Variants in SLC24A4 observed in about 807,000 individuals in gnomAD.
SLC24A4 encodes the protein solute carrier family 24 member 4, also known as sodium/potassium/calcium exchanger 4.
Under a neutral mutation model 79.0 loss-of-function variants are expected in SLC24A4, and 53 were observed. The ratio of observed to expected loss-of-function variants is 0.67; its 90% confidence interval spans 0.54 to 0.84. The LOEUF is 0.84. Among genes scored for constraint, SLC24A4 ranks in the 40% least tolerant of loss-of-function variants. The pLI, the probability that SLC24A4 is intolerant of heterozygous loss-of-function variation, is 0.00. For synonymous variants in SLC24A4, 323 were observed against 323.8 expected (o/e 1.00, Z 0.03); for missense variants, 731 against 822.0 (o/e 0.89, Z 1.35).
intron 2 of SLC24A4, among the ~76,000 whole-genome samples, chr14:92,402,666 A>G (rs1249041001): frequency 6.6e-6 from 1 of 151,806 alleles, no homozygotes; most frequent in South Asian, 2.1e-4. Flanking sequence ...GGCAGAAGAC[A>G]AGGAGGAGCA....
At chr14:92,445,710 A>G (rs1450163770) in intron 8 of SLC24A4, among the ~76,000 whole-genome samples, 1 of 152,266 alleles carries the variant, frequency 6.6e-6, no homozygotes, top group Non-Finnish European at 1.5e-5. Flanking sequence ...TTAGGAATAG[A>G]GTCTTGAATG....
chr14:92,340,575 T>C lies in SLC24A4; in HGVS notation c.241+14597T>C, dbSNP rs571022304. Among the ~76,000 whole-genome samples, 27 of 3,554 alleles carry C rather than the reference T, an allele frequency of 7.6e-3. No individual in the cohort carries two copies. In the East Asian group the frequency reaches 0.46, roughly 60 times the overall value. 2.3% of individuals were successfully genotyped at this position (3,554 alleles called of 152,430 possible). A position where few individuals can be genotyped will look rare whatever the true frequency, so the allele number is the denominator to read the frequency against. ...TGTGGTGGCTTCCGAGGCTGCATCATGCCAAACCTGCAGGGGGCTGGGCTT... is the reference window on the plus strand; with the variant it reads ...TGTGGTGGCTTCCGAGGCTGCATCACGCCAAACCTGCAGGGGGCTGGGCTT... On this transcript the variant is annotated intron_variant, in intron 2 of 16. Transcript: ENST00000532405.
chr14:92,362,126 G>T (rs8014657), intron 2 of SLC24A4, among the ~76,000 whole-genome samples: 136,557 of 152,066 alleles, frequency 0.9, 63,110 homozygotes, highest in East Asian at 1. Context: ...TTTTCCTTTC[G>T]TGCTTGGCTG....
intron 14 of SLC24A4, among the ~76,000 whole-genome samples, chr14:92,488,219 A>G (rs1219229969): frequency 2.0e-5 from 3 of 151,654 alleles, no homozygotes; most frequent in Non-Finnish European, 1.5e-5. Flanking sequence ...CTACGGGCAC[A>G]TGCCACCACA....
intron 2 of SLC24A4, among the ~76,000 whole-genome samples, chr14:92,385,515 G>A (rs570518117): frequency 6.8e-6 from 1 of 146,602 alleles, no homozygotes; most frequent in East Asian, 2.0e-4. Context: ...AAAAAATCAT[G>A]CAATGTTATT....
chr14:92,400,233 G>A (rs1170045294), intron 2 of SLC24A4, among the ~76,000 whole-genome samples: 1 of 152,164 alleles, frequency 6.6e-6, no homozygotes, highest in African/African-American at 2.4e-5. Context: ...GAGGTCAGGA[G>A]ATCGAGAACA....
intron 2 of SLC24A4, among the ~76,000 whole-genome samples, chr14:92,334,910 G>A (rs533998266): frequency 4.1e-5 from 6 of 146,982 alleles, no homozygotes; most frequent in East Asian, 3.9e-4. Context: ...CATCATCATC[G>A]TCATCATCAT....
rs573593706 is a variant in SLC24A4 at position 92,425,449 on chromosome 14, G to C, written c.242-8463G>C. Among the ~76,000 whole-genome samples, 3 of 152,344 alleles carry C rather than the reference G, an allele frequency of 2.0e-5. No homozygotes were observed. The East Asian group carries it at 5.8e-4, about 29-fold the overall frequency. On this transcript the variant is annotated intron_variant, in intron 2 of 16. Transcript: ENST00000532405. ...GAGTTGGAAGCAGGAGAAAACAGTA[G>C]AGAAGGTGGCTGTCATTGGCAAAAC...
chr14:92,352,778 A>G (rs1026751967), intron 2 of SLC24A4, among the ~76,000 whole-genome samples: 1 of 152,192 alleles, frequency 6.6e-6, no homozygotes, highest in African/African-American at 2.4e-5. Flanking sequence ...TTGCAGGGGT[A>G]CTTATATCGG....
At chr14:92,459,782 G>GC (rs1354900587) in intron 12 of SLC24A4, among the ~76,000 whole-genome samples, 2 of 152,118 alleles carry the variant, frequency 1.3e-5, no homozygotes, top group African/African-American at 4.8e-5. Context: ...GAAAATTGAG[G>GC]CCCGGGGTAG....
Position 92,323,919 on chromosome 14 carries a change from T to C in SLC24A4, c.89T>C (p.Leu30Pro). 1.9e-6 allele frequency: 3 copies of C among 1,611,134 alleles called. No individual in the cohort carries two copies. Among genetic ancestry groups the C allele is most frequent in the Non-Finnish European group, 8.5e-7 (1 of 1,179,786 alleles). Residue 30 changes from leucine to proline, a missense_variant, in exon 1 of 17, where the codon CTG becomes CCG. By Grantham distance (98) the Leu-to-Pro change is moderately conservative. Coordinates refer to ENST00000532405, the MANE Select transcript of SLC24A4 (RefSeq NM_153646.4). This position sits in a 1 kb window ranked among gnomAD's most constrained non-coding sequence, Gnocchi z 4.9. ...CAAGTCGGCTTCGTGTGCGCGGTGC[T>C]GGCCCTGGTGTGCTGTGCGTCCGGC... ...PQQVGFVCAV[L>P]ALVCCASGLF... is the part of the protein sequence containing the mutation.
At chr14:92,358,226 C>T (rs1887289573) in intron 2 of SLC24A4, among the ~76,000 whole-genome samples, 1 of 152,084 alleles carries the variant, frequency 6.6e-6, no homozygotes, top group Non-Finnish European at 1.5e-5. Flanking sequence ...TCAGATAGGC[C>T]AGTTAAATGC....
chr14:92,325,803 G>A, intron 1 of SLC24A4, 65 bp from the exon 2 acceptor site: 1 of 940,898 alleles, frequency 1.1e-6, no homozygotes, highest in Non-Finnish European at 1.7e-6. Context: ...ACAAATGTAA[G>A]GTCATTTTGG....
chr14:92,473,959 TA>T (rs1465165586), intron 12 of SLC24A4, among the ~76,000 whole-genome samples: 1 of 152,170 alleles, frequency 6.6e-6, no homozygotes, highest in African/African-American at 2.4e-5. Context: ...CCGGGATTCT[TA>T]CTGAATCAGA....
chr14:92,406,389 G>C (rs1018889926), intron 2 of SLC24A4, among the ~76,000 whole-genome samples: 18 of 152,172 alleles, frequency 1.2e-4, no homozygotes, highest in Non-Finnish European at 2.5e-4. Flanking sequence ...TCTTCTCACA[G>C]CTCCACTAGG....
At chr14:92,377,369 G>A (rs915003476) in intron 2 of SLC24A4, among the ~76,000 whole-genome samples, 21 of 152,266 alleles carry the variant, frequency 1.4e-4, no homozygotes, top group African/African-American at 4.1e-4. Context: ...AGAGCATGAG[G>A]GAAGCAGACC....
At chr14:92,408,658 C>A (rs930083186) in intron 2 of SLC24A4, among the ~76,000 whole-genome samples, 1 of 152,160 alleles carries the variant, frequency 6.6e-6, no homozygotes, top group African/African-American at 2.4e-5. Context: ...ATAATGAGAT[C>A]TACCCTCTAG....
Position 92,354,193 on chromosome 14 carries a change from G to A in SLC24A4, c.241+28215G>A, listed in dbSNP as rs146362934. On this transcript the variant is annotated intron_variant, in intron 2 of 16. Transcript: ENST00000532405. ...CTTTTTTTTTTTTTTTTGAGATGGA[G>A]TCTCACTCTGTCGCCCAGGCTGGAG... 5.8e-3 allele frequency among the ~76,000 whole-genome samples: 875 copies of A among 150,252 alleles called. 8 individuals carry two copies. Among genetic ancestry groups the A allele is most frequent in the African/African-American group, 0.02 (800 of 40,736 alleles).
chr14:92,381,669 T>C (rs1301582521), intron 2 of SLC24A4, among the ~76,000 whole-genome samples: 6 of 152,346 alleles, frequency 3.9e-5, no homozygotes, highest in Non-Finnish European at 7.3e-5. Context: ...AGTTTTAAGT[T>C]CTTCAATTAT....
Sources: gnomAD v4.1 joint callset for allele counts (sites outside exome capture counted in the v4.1 genomes callset) on GRCh38, gnomAD v4.1.1 for gene constraint, Gnocchi (gnomAD v3.1) non-coding constraint, MANE v1.5 for transcripts, NCBI Gene and HGNC (gene_info 2026-07-23, HGNC 2026-07-21) for gene names.